POLR1A: variants seen among roughly 807,000 people sequenced by gnomAD.
POLR1A encodes the protein RNA polymerase I subunit A, also known as DNA-directed RNA polymerase I subunit RPA1.
Under a neutral mutation model 205.3 loss-of-function variants are expected in POLR1A, and 84 were observed. The ratio of observed to expected loss-of-function variants is 0.41; its 90% CI spans 0.34 to 0.49. POLR1A has a LOEUF of 0.49. Ranked by LOEUF, POLR1A falls within the 20% of genes least tolerant of loss-of-function variation. POLR1A has a pLI of 0.22. For synonymous variants in POLR1A, 799 were observed against 863.7 expected (o/e 0.93, Z 1.31); for missense variants, 1,645 against 2,204.5 (o/e 0.75, Z 5.08).
Position 86,070,264 on chromosome 2 carries a change from C to T in POLR1A, c.1620G>A (p.Arg540=). 6.2e-7 allele frequency: 1 copy of T among 1,608,274 alleles called. No homozygotes were observed. Among genetic ancestry groups the T allele is most frequent in the East Asian group, 2.2e-5 (1 of 44,772 alleles). ...GCAGAATGTCCCCATTCTTCACATG[C>T]CGGCACACCTGGGAACAGAGTGGAC... ...PKPQGTKIVC[R]HVKNGDILLL... The change falls in exon 13 of 34, where the codon CGG becomes CGA. Residue 540 remains arginine, a synonymous_variant. Transcript: ENST00000263857. The surrounding 1 kb of genome is among the most constrained non-coding windows in gnomAD (Gnocchi z 4.4).
chr2:86,035,864 T>A (rs1002631636), intron 27 of POLR1A, among the ~76,000 whole-genome samples: 6 of 152,134 alleles, frequency 3.9e-5, no homozygotes, highest in African/African-American at 1.4e-4. Flanking sequence ...CCAGGACTTG[T>A]GGAGAACGTA....
intron 3 of POLR1A, among the ~76,000 whole-genome samples, chr2:86,090,352 C>T (rs1673579025): frequency 7.1e-6 from 1 of 140,312 alleles, no homozygotes; most frequent in African/African-American, 2.7e-5. Flanking sequence ...TGCACCACTG[C>T]ACTCCAGCCT....
chr2:86,075,359 G>A (rs1007376957), intron 11 of POLR1A, 99 bp from the exon 12 acceptor site: 5 of 842,060 alleles, frequency 5.9e-6, no homozygotes, highest in Non-Finnish European at 9.5e-6. Flanking sequence ...CACCCAAGAT[G>A]TGGAGGAGCT....
chr2:86,077,716 A>G, intron 11 of POLR1A, 143 bp downstream of exon 11: 1 of 1,015,734 alleles, frequency 9.8e-7, no homozygotes, highest in African/African-American at 1.6e-5. Flanking sequence ...AGTTCCGCCC[A>G]AGCCAGAATA....
At chr2:86,059,916 T>A (rs1461837872) in intron 14 of POLR1A, among the ~76,000 whole-genome samples, 1 of 152,178 alleles carries the variant, frequency 6.6e-6, no homozygotes, top group East Asian at 1.9e-4. Context: ...GAGAGTGGGG[T>A]TGGGGAGGGA....
In POLR1A at chr2:86,098,766, G is replaced by A; in HGVS notation, c.283-6C>T. 1.2e-6 allele frequency: 2 copies of A among 1,613,762 alleles called. No homozygotes were observed. The highest frequency in any genetic ancestry group is 2.7e-5 in the African/African-American group (2 of 74,994). ...CGAAGCAGCAGGTACAGCTTCTGAA[G>A]AGAGGGAATAAAAACAAACAGGATA... On this transcript the variant is annotated splice_polypyrimidine_tract_variant and splice_region_variant and intron_variant, in intron 2 of 33. Transcript: ENST00000263857.
chr2:86,094,944 T>A (rs79561346), intron 3 of POLR1A, among the ~76,000 whole-genome samples: 3,826 of 152,268 alleles, frequency 0.025, 163 homozygotes, highest in African/African-American at 0.086. Flanking sequence ...ATACATCCCA[T>A]GCTGGGTCAC....
Position 86,080,898 on chromosome 2 carries a change from A to G in POLR1A, c.1004T>C (p.Val335Ala). The G allele has an allele frequency of 1.9e-6, 3 of 1,614,196 alleles. No homozygotes were observed. Among genetic ancestry groups the G allele is most frequent in the South Asian group, 1.1e-5 (1 of 91,082 alleles). The change falls in exon 9 of 34, where the codon GTA becomes GCA. Residue 335 changes from valine to alanine, a missense_variant. This residue lies in a region of POLR1A where 78 missense variants were observed against 77.7 expected (regional missense o/e 1.00). Coordinates refer to ENST00000263857, the MANE Select transcript of POLR1A (RefSeq NM_015425.6). ...TVNLQAVMKD[V>A]VLIRKLLALM... is the part of the protein sequence containing the mutation. ...TGCCAGAAGTTTTCGAATCAGAACT[A>G]CATCCTTCATGACAGCCTGCAAGTT...
intron 1 of POLR1A, among the ~76,000 whole-genome samples, chr2:86,105,443 C>T (rs1402656223): frequency 6.6e-6 from 1 of 152,252 alleles, no homozygotes; most frequent in East Asian, 1.9e-4. Context: ...CAGATGATAA[C>T]GCTGCAGACC....
Position 86,098,679 on chromosome 2 carries a change from A to C in POLR1A, c.364T>G (p.Cys122Gly). Residue 122 changes from cysteine to glycine, a missense_variant, in exon 3 of 34, where the codon TGC (cysteine) becomes GGC (glycine). This residue lies in a region of POLR1A where 330 missense variants were observed against 375.6 expected (regional missense o/e 0.88). Coordinates refer to ENST00000263857, the MANE Select transcript of POLR1A (RefSeq NM_015425.6). Reference sequence around the variant, plus strand: ...CCGACTTCCAGAACCCTCAGCTGGCAGAGTAAGAGGTGAATCACGGCCCGG... The same window carrying C: ...CCGACTTCCAGAACCCTCAGCTGGCCGAGTAAGAGGTGAATCACGGCCCGG... ...CPRAVIHLLL[C>G]QLRVLEVGAL... The C allele has an allele frequency of 6.2e-7, 1 of 1,613,630 alleles. No homozygotes were observed. Among genetic ancestry groups the C allele is most frequent in the South Asian group, 1.1e-5 (1 of 90,986 alleles).
Position 86,031,310 on chromosome 2 carries a change from G to T in POLR1A, c.4578+20C>A, listed in dbSNP as rs371712953. On this transcript the variant is annotated intron_variant, in intron 30 of 33. Transcript: ENST00000263857. ...AGCTGGACCAACCACCCAAGCCCTG[G>T]CCTGCACGGCCACACTGACCTGGCA... 6.5e-7 allele frequency: 1 copy of T among 1,529,916 alleles called. No individual in the cohort carries two copies. 94.8% of individuals were successfully genotyped at this position (1,529,916 alleles called of 1,614,324 possible). A position where few individuals can be genotyped will look rare whatever the true frequency, so the allele number is the denominator to read the frequency against.
chr2:86,088,418 A>C, intron 6 of POLR1A, 148 bp downstream of exon 6: 2 of 573,958 alleles, frequency 3.5e-6, no homozygotes, highest in Non-Finnish European at 6.2e-6. Flanking sequence ...GGGTCCCCTC[A>C]GGCCTGAGAG....
intron 6 of POLR1A, among the ~76,000 whole-genome samples, chr2:86,088,263 G>T (rs552039757): frequency 4.0e-4 from 61 of 152,318 alleles, no homozygotes; most frequent in Admixed American, 4.0e-3. Context: ...CAAAATATTT[G>T]TCAGGTAAAT....
intron 3 of POLR1A, among the ~76,000 whole-genome samples, chr2:86,094,359 C>A (rs1673663923): frequency 6.6e-6 from 1 of 152,202 alleles, no homozygotes; most frequent in African/African-American, 2.4e-5. Flanking sequence ...TTATGATGCT[C>A]AAACTGTCCT....
rs2278533 is a variant in POLR1A, at chr2:86,042,777, C to T, written c.3357+197G>A. Among the ~76,000 whole-genome samples, 4,880 of 152,300 alleles carry T rather than the reference C, an allele frequency of 0.032. 172 individuals carry two copies. Among genetic ancestry groups the T allele is most frequent in the East Asian group, 0.097 (504 of 5,182 alleles). On this transcript the variant is annotated intron_variant, in intron 23 of 33. Coordinates refer to ENST00000263857, the MANE Select transcript of POLR1A (RefSeq NM_015425.6). ...CCCGAAGTCACAGGCCCCAGTTAGT[C>T]CCCCCAAACCCTGCCTACACCCTTG...
At chr2:86,100,783 C>T (rs901282996) in intron 1 of POLR1A, among the ~76,000 whole-genome samples, 5 of 152,206 alleles carry the variant, frequency 3.3e-5, no homozygotes, top group Middle Eastern at 3.4e-3. Flanking sequence ...TCTAGAGATC[C>T]GCCTGCCTCA....
intron 27 of POLR1A, 92 bp downstream of exon 27, chr2:86,038,608 T>A (rs1439620308): frequency 1.3e-5 from 17 of 1,295,652 alleles, no homozygotes; most frequent in Admixed American, 7.5e-5. Context: ...AGGCACTCAA[T>A]CTCTAGGAGC....
rs1177533910 is a variant in POLR1A at position 86,041,984 on chromosome 2, C to T, written c.3477G>A (p.Val1159=). The T allele has an allele frequency of 1.2e-6, 2 of 1,614,072 alleles. No individual in the cohort carries two copies. The highest frequency in any genetic ancestry group is 2.2e-5 in the East Asian group (1 of 44,886). Reference sequence around the variant, plus strand: ...CAACCTTTGTTTCAAATGTTTCTGACACTGATGCAAAGTAGATGTCAGGAC... The same window carrying T: ...CAACCTTTGTTTCAAATGTTTCTGATACTGATGCAAAGTAGATGTCAGGAC... The part of the protein sequence containing the change: ...VWRPDIYFAS[V]SETFETKVDD... The change falls in exon 24 of 34, where the codon GTG becomes GTA. Residue 1159 remains valine, a synonymous_variant. Coordinates refer to ENST00000263857, the MANE Select transcript of POLR1A (RefSeq NM_015425.6).
intron 14 of POLR1A, among the ~76,000 whole-genome samples, chr2:86,063,982 T>G (rs1468778189): frequency 6.6e-6 from 1 of 152,250 alleles, no homozygotes; most frequent in African/African-American, 2.4e-5. Context: ...TATTTAGAAG[T>G]ACAAATATTG....
Sources: gnomAD v4.1 joint callset for allele counts (sites outside exome capture counted in the v4.1 genomes callset) on GRCh38, gnomAD v4.1.1 for gene constraint, gnomAD v4.1.1 regional missense constraint, Gnocchi (gnomAD v3.1) non-coding constraint, MANE v1.5 for transcripts, NCBI Gene and HGNC (gene_info 2026-07-23, HGNC 2026-07-21) for gene names.